The following EML1 variants were observed in gnomAD, a reference collection of about 807,000 sequenced individuals.
EML1 encodes EMAP like 1, also known as echinoderm microtubule-associated protein-like 1.
In EML1, 27 loss-of-function variants were observed where a neutral mutation model predicts 110.4. The observed-to-expected ratio is 0.24, with a 90% CI of 0.18 to 0.34. EML1 has a LOEUF of 0.34. Ranked by LOEUF, EML1 falls within the 10% of genes least tolerant of loss-of-function variation. The pLI, the probability that EML1 is intolerant of heterozygous loss-of-function variation, is 1.00. For synonymous variants in EML1, 344 were observed against 385.8 expected (o/e 0.89, Z 1.27); for missense variants, 741 against 1,030.9 (o/e 0.72, Z 3.85).
At chr14:99,849,417 A>T (rs2058753620) in intron 1 of EML1, among the ~76,000 whole-genome samples, 1 of 151,976 alleles carries the variant, frequency 6.6e-6, no homozygotes. Context: ...GGTTTTCAAC[A>T]GTTTGACTAT....
At chr14:99,740,662 A>T (rs2057031431) in intron 1 of EML1, among the ~76,000 whole-genome samples, 1 of 152,144 alleles carries the variant, frequency 6.6e-6, no homozygotes, top group Non-Finnish European at 1.5e-5. Context: ...ACGGCCAGCA[A>T]AGGCGCTTCC....
At chr14:99,832,977 G>A (rs116276239) in intron 1 of EML1, among the ~76,000 whole-genome samples, 1 of 152,100 alleles carries the variant, frequency 6.6e-6, no homozygotes, top group Non-Finnish European at 1.5e-5. Flanking sequence ...GAGGTTTGGG[G>A]TATGATTGAT....
At chr14:99,870,733 G>C (rs1439835578) in intron 3 of EML1, among the ~76,000 whole-genome samples, 1 of 152,216 alleles carries the variant, frequency 6.6e-6, no homozygotes, top group South Asian at 2.1e-4. Context: ...CAGCACATCT[G>C]TTGTAGCAAT....
intron 17 of EML1, among the ~76,000 whole-genome samples, chr14:99,926,499 G>T (rs1208927621): frequency 6.6e-6 from 1 of 151,988 alleles, no homozygotes. Flanking sequence ...TGGCCAGGCT[G>T]GTCTCAAGCT....
intron 1 of EML1, among the ~76,000 whole-genome samples, chr14:99,750,686 G>A (rs1391181398): frequency 6.6e-6 from 1 of 152,154 alleles, no homozygotes. Flanking sequence ...CTATTCCATG[G>A]ATGTGGCCTC....
At chr14:99,865,802 G>A (rs892265225) in intron 3 of EML1, among the ~76,000 whole-genome samples, 156 bp downstream of exon 3, 1 of 152,228 alleles carries the variant, frequency 6.6e-6, no homozygotes, top group African/African-American at 2.4e-5. Context: ...ACAAGAACTA[G>A]TTAAGTTTAT....
At chr14:99,871,370 A>G (rs750263814) in intron 3 of EML1, among the ~76,000 whole-genome samples, 5 of 152,164 alleles carry the variant, frequency 3.3e-5, no homozygotes, top group Non-Finnish European at 7.3e-5. Context: ...TTGTGGGGCC[A>G]AGCACAGTGG....
Position 99,920,740 on chromosome 14 carries a change from C to T in EML1, c.1821-49C>T, listed in dbSNP as rs750165311. 2.1e-6 allele frequency: 3 copies of T among 1,456,128 alleles called. No individual in the cohort carries two copies. The African/African-American group carries it at 4.3e-5, about 21-fold the overall frequency. The allele number at this position is 1,456,128 out of a possible 1,614,324, so 90.2% of individuals were successfully genotyped here. A position where few individuals can be genotyped will look rare whatever the true frequency, so the allele number is the denominator to read the frequency against. ...ATTCATCCCACTATTATATAATCTTCATTTTCTTATTAAACAACTTACTGT... is the reference window on the plus strand; with the variant it reads ...ATTCATCCCACTATTATATAATCTTTATTTTCTTATTAAACAACTTACTGT... On this transcript the variant is annotated intron_variant, in intron 16 of 21. Coordinates refer to ENST00000262233, the MANE Select transcript of EML1 (RefSeq NM_004434.3).
chr14:99,900,814 G>C, intron 8 of EML1, 115 bp from the exon 9 acceptor site: 1 of 836,226 alleles, frequency 1.2e-6, no homozygotes, highest in Non-Finnish European at 1.9e-6. Flanking sequence ...TGCAGAAAAA[G>C]ATCTTTTGTT....
upstream of EML1, among the ~76,000 whole-genome samples, chr14:99,793,103 G>T (rs563607648): frequency 2.0e-5 from 3 of 150,746 alleles, no homozygotes; most frequent in Admixed American, 1.3e-4. Flanking sequence ...CCCCGTGCGC[G>T]GAGGCGGGGC....
chr14:99,818,341 A>C (rs938897470), intron 1 of EML1, among the ~76,000 whole-genome samples: 1 of 152,160 alleles, frequency 6.6e-6, no homozygotes, highest in Non-Finnish European at 1.5e-5. Context: ...TTAGGCCCAA[A>C]CCAAGGAGGT....
intron 9 of EML1, among the ~76,000 whole-genome samples, chr14:99,904,774 C>G (rs1337061120): frequency 6.6e-6 from 1 of 152,144 alleles, no homozygotes; most frequent in Non-Finnish European, 1.5e-5. Context: ...GAAACTTTAT[C>G]CAGTTTTTTT....
At chr14:99,757,070 C>T (rs1012533272) in intron 1 of EML1, among the ~76,000 whole-genome samples, 18 of 152,340 alleles carry the variant, frequency 1.2e-4, no homozygotes, top group African/African-American at 4.1e-4. Flanking sequence ...CTGGGCATGG[C>T]GGCTCACGCC....
intron 1 of EML1, among the ~76,000 whole-genome samples, chr14:99,795,936 C>A (rs1023813568): frequency 1.3e-5 from 2 of 152,218 alleles, no homozygotes; most frequent in East Asian, 3.9e-4. Context: ...AAGACAAGAT[C>A]AAGATATGCG....
intron 1 of EML1, among the ~76,000 whole-genome samples, chr14:99,840,983 C>G (rs12590861): frequency 0.69 from 104,297 of 152,088 alleles, 35,867 homozygotes; most frequent in African/African-American, 0.71. Context: ...TCTGAAACTG[C>G]GGGTGATGTA....
At chr14:99,871,209 G>A (rs988422090) in intron 3 of EML1, among the ~76,000 whole-genome samples, 6 of 152,054 alleles carry the variant, frequency 3.9e-5, no homozygotes, top group South Asian at 2.1e-4. Context: ...TGCCCTCCTC[G>A]GCCTCTCAAA....
At chr14:99,801,711 G>A (rs1251388871) in intron 1 of EML1, among the ~76,000 whole-genome samples, 1 of 152,014 alleles carries the variant, frequency 6.6e-6, no homozygotes, top group Non-Finnish European at 1.5e-5. Context: ...CACCCCAAAC[G>A]TCTCATCATC....
chr14:99,878,509 T>C lies in EML1; in HGVS notation c.408T>C (p.Ser136=). 1.2e-6 allele frequency: 2 copies of C among 1,613,962 alleles called. No individual in the cohort carries two copies. The highest frequency in any genetic ancestry group is 1.7e-6 in the Non-Finnish European group (2 of 1,179,924). Residue 136 remains serine, a synonymous_variant, in exon 4 of 22, where the codon TCT becomes TCC. Coordinates refer to ENST00000262233, the MANE Select transcript of EML1 (RefSeq NM_004434.3). ...TKSNIKRTSS[S]ERVSPGGRRE... is the part of the protein sequence containing the mutation. ...GTAACATCAAGAGGACCAGCTCTTC[T>C]GAACGAGTGTCTCCTGGGGGTCGAA...
In EML1 at chr14:99,936,432, T is replaced by G. The variant is rs1486750179; in HGVS notation, c.2095+98T>G. 11 of 1,081,020 alleles carry G rather than the reference T, an allele frequency of 1.0e-5. No homozygotes were observed. In the Admixed American group the frequency reaches 2.2e-4, roughly 22 times the overall value. 67.0% of individuals were successfully genotyped at this position (1,081,020 alleles called of 1,614,324 possible). On this transcript the variant is annotated intron_variant, in intron 19 of 21. Coordinates refer to ENST00000262233, the MANE Select transcript of EML1 (RefSeq NM_004434.3). The surrounding 1 kb of genome is among the most constrained non-coding windows in gnomAD (Gnocchi z 5.5). ...GTGAGAACCCACCTCCTGTATGACT[T>G]AGGCACGTGCCATCATCTCTAGGTC...
Sources: allele counts gnomAD v4.1 joint callset (sites outside exome capture counted in the v4.1 genomes callset), GRCh38; gene constraint gnomAD v4.1.1; non-coding constraint Gnocchi (gnomAD v3.1); transcripts MANE v1.5; gene names NCBI Gene and HGNC (gene_info 2026-07-23, HGNC 2026-07-21).